WARS2: variants seen among roughly 807,000 people sequenced by gnomAD.
The protein encoded by WARS2 is tryptophanyl tRNA synthetase 2, mitochondrial.
A neutral mutation model predicts 36.5 loss-of-function variants in WARS2; 28 were observed. The observed-to-expected ratio is 0.77, with a 90% CI of 0.57 to 1.05. WARS2 has a LOEUF of 1.05. Among genes scored for constraint, WARS2 ranks in the 50% least tolerant of loss-of-function variants. The pLI is 0.00. For missense variants in WARS2, 435 were observed against 456.8 expected, an observed-to-expected ratio of 0.95 and a Z score of 0.44; for synonymous variants, 174 against 178.4, an observed-to-expected ratio of 0.98 and a Z score of 0.20.
chr1:119,117,764 G>A (rs1449133173), intron 1 of WARS2, among the ~76,000 whole-genome samples: 1 of 152,124 alleles, frequency 6.6e-6, no homozygotes, highest in Non-Finnish European at 1.5e-5. Context: ...CACATCACAG[G>A]ACTCTTTACA....
intron 1 of WARS2, among the ~76,000 whole-genome samples, chr1:119,095,647 G>C (rs972971945): frequency 1.2e-4 from 19 of 152,108 alleles, no homozygotes; most frequent in Admixed American, 2.6e-4. Context: ...TGGCCAGGCT[G>C]GTCTTGAACT....
At chr1:119,117,884 G>T (rs1216616114) in intron 1 of WARS2, among the ~76,000 whole-genome samples, 1 of 152,182 alleles carries the variant, frequency 6.6e-6, no homozygotes, top group African/African-American at 2.4e-5. Context: ...AACGGGGAGA[G>T]CATCACATCA....
rs192013774 is a variant in WARS2 at position 119,122,650 on chromosome 1, C to T, written c.90+17905G>A. Reference sequence around the variant, plus strand: ...AAAATATGGAACCAGCCTAAATGCCCATCAACCAAGTGGGTAAAGAAAGTG... The same window carrying T: ...AAAATATGGAACCAGCCTAAATGCCTATCAACCAAGTGGGTAAAGAAAGTG... On this transcript the variant is annotated intron_variant, in intron 1 of 5. Transcript: ENST00000235521. 9.2e-5 allele frequency among the ~76,000 whole-genome samples: 14 copies of T among 152,260 alleles called. No homozygotes were observed. The East Asian group carries it at 2.7e-3, about 29-fold the overall frequency.
intron 1 of WARS2, among the ~76,000 whole-genome samples, chr1:119,099,329 T>C (rs1571355761): frequency 6.6e-6 from 1 of 152,290 alleles, no homozygotes; most frequent in South Asian, 2.1e-4. Context: ...CATGGAAATG[T>C]GTTTAGGTTT....
intron 1 of WARS2, among the ~76,000 whole-genome samples, chr1:119,089,835 T>C (rs990028502): frequency 4.6e-5 from 7 of 152,144 alleles, no homozygotes; most frequent in Non-Finnish European, 1.0e-4. Flanking sequence ...GGGACATAGA[T>C]GGAGTTGGAA....
At chr1:119,074,003 C>G (rs1424430026) in intron 2 of WARS2, among the ~76,000 whole-genome samples, 1 of 152,156 alleles carries the variant, frequency 6.6e-6, no homozygotes, top group Non-Finnish European at 1.5e-5. Flanking sequence ...AGACATTCAT[C>G]TACAAGAAGT....
chr1:119,104,565 T>C (rs587619885), intron 1 of WARS2, among the ~76,000 whole-genome samples: 18 of 148,888 alleles, frequency 1.2e-4, no homozygotes, highest in African/African-American at 4.4e-4. Context: ...TAAAGAGACA[T>C]GTAAAAAATA....
chr1:119,041,141 A>G (rs1648322113), intron 4 of WARS2, among the ~76,000 whole-genome samples: 1 of 152,196 alleles, frequency 6.6e-6, no homozygotes, highest in Admixed American at 6.5e-5. Context: ...CACGAGGTAC[A>G]GATACTGTCA....
chr1:119,114,906 T>C (rs1220050792), intron 1 of WARS2, among the ~76,000 whole-genome samples: 1 of 152,140 alleles, frequency 6.6e-6, no homozygotes, highest in African/African-American at 2.4e-5. Flanking sequence ...TATGCAAGCC[T>C]CCTCCCCAAT....
At chr1:119,121,240 A>C (rs1023908789) in intron 1 of WARS2, among the ~76,000 whole-genome samples, 2 of 152,176 alleles carry the variant, frequency 1.3e-5, no homozygotes. Flanking sequence ...GCACTGCTAT[A>C]CACCAATAGC....
Position 119,079,871 on chromosome 1 carries a change from C to T in WARS2, c.91-3264G>A, listed in dbSNP as rs587714921. 4.2e-4 allele frequency among the ~76,000 whole-genome samples: 64 copies of T among 152,238 alleles called. 2 individuals are homozygous for T. In the South Asian group the frequency reaches 6.4e-3, roughly 15 times the overall value. On this transcript the variant is annotated intron_variant, in intron 1 of 5. Coordinates refer to ENST00000235521, the MANE Select transcript of WARS2 (RefSeq NM_015836.4). ...AATTGAGAACAAATATAATCTTACA[C>T]TCAAAATCACAAACACACACATAAA... is the stretch of plus-strand genomic sequence containing the variant.
intron 2 of WARS2, chr1:119,063,120 G>C (rs1650520031): frequency 6.5e-6 from 1 of 153,070 alleles, no homozygotes; most frequent in Non-Finnish European, 1.5e-5. Flanking sequence ...GGTGGTCTCA[G>C]ATGGAGATGA....
At chr1:119,049,326 C>G (rs768789273) in intron 2 of WARS2, among the ~76,000 whole-genome samples, 1 of 152,130 alleles carries the variant, frequency 6.6e-6, no homozygotes, top group Non-Finnish European at 1.5e-5. Context: ...GCTGTTTTCT[C>G]CGTATTTCAA....
intron 4 of WARS2, among the ~76,000 whole-genome samples, chr1:119,040,934 T>C (rs1235220432): frequency 6.6e-6 from 1 of 152,224 alleles, no homozygotes; most frequent in Non-Finnish European, 1.5e-5. Context: ...AGTCAAAAGC[T>C]ACTTATTACA....
At chr1:119,140,456 T>A in intron 1 of WARS2, 99 bp downstream of exon 1, 1 of 1,129,786 alleles carries the variant, frequency 8.9e-7, no homozygotes, top group East Asian at 2.5e-5. Flanking sequence ...GCATGTACTT[T>A]CCCTAAGAAG....
In WARS2 at chr1:119,033,024, G is replaced by A. The variant is rs780674665; in HGVS notation, c.970C>T (p.Leu324=). Reference sequence around the variant, plus strand: ...TCTAAATGGTCCTTGTCCAGCTTCAGTTTTTCAATTTCACGCTTAATTGGG... The same window carrying A: ...TCTAAATGGTCCTTGTCCAGCTTCAATTTTTCAATTTCACGCTTAATTGGG... ...FAPIKREIEK[L]KLDKDHLEKV... Residue 324 remains leucine (L), a synonymous_variant, in exon 6 of 6, where the codon CTG becomes TTG. Transcript: ENST00000235521. The A allele has an allele frequency of 1.9e-6, 3 of 1,614,232 alleles. No homozygotes were observed. Among genetic ancestry groups the A allele is most frequent in the Non-Finnish European group, 1.7e-6 (2 of 1,180,044 alleles).
chr1:119,097,236 A>T (rs1310188144), intron 1 of WARS2, among the ~76,000 whole-genome samples: 1 of 152,202 alleles, frequency 6.6e-6, no homozygotes. Context: ...TGTGATTTTT[A>T]AAAATACTGT....
rs745543661 is a variant in WARS2 at position 119,034,203 on chromosome 1, C to T, written c.526G>A (p.Val176Ile). The stretch of plus-strand genomic sequence containing the variant: ...TGGACTTGATCCTCCCCAACAGGAA[C>T]GTGTGTGGACCTTTAATAAAAGACA... ...ADILLYKSTH[V>I]PVGEDQVQHM... is the part of the protein sequence containing the mutation. The change falls in exon 5 of 6, where the codon GTT (valine) becomes ATT (isoleucine). Residue 176 changes from valine (V) to isoleucine (I), a missense_variant. Transcript: ENST00000235521. 7 of 1,613,532 alleles carry T rather than the reference C, an allele frequency of 4.3e-6. 1 individual carries two copies. The highest frequency in any genetic ancestry group is 2.2e-5 in the East Asian group (1 of 44,846).
chr1:119,136,517 T>C (rs1407363834), intron 1 of WARS2, among the ~76,000 whole-genome samples: 1 of 152,172 alleles, frequency 6.6e-6, no homozygotes, highest in African/African-American at 2.4e-5. Context: ...CGCAACACCT[T>C]TTTTTGCCAT....
Sources: allele counts gnomAD v4.1 joint callset (sites outside exome capture counted in the v4.1 genomes callset), GRCh38; gene constraint gnomAD v4.1.1; transcripts MANE v1.5; gene names NCBI Gene and HGNC (gene_info 2026-07-23, HGNC 2026-07-21).